Variants in COG3 observed in about 807,000 individuals in gnomAD.
COG3 encodes conserved oligomeric Golgi complex subunit 3.
COG3 carries 32 observed loss-of-function variants against 114.1 expected under a neutral mutation model. The ratio of observed to expected loss-of-function variants is 0.28; its 90% confidence interval spans 0.21 to 0.38. COG3 has a LOEUF of 0.38. COG3 is among the 10% of genes least tolerant of loss of function. The pLI, the probability that COG3 is intolerant of heterozygous loss-of-function variation, is 1.00. For missense variants in COG3, 813 were observed against 973.2 expected, an observed-to-expected ratio of 0.84 and a Z score of 2.19; for synonymous variants, 352 against 365.7, an observed-to-expected ratio of 0.96 and a Z score of 0.43.
At chr13:45,533,390 C>A (rs1247506407) in intron 22 of COG3, among the ~76,000 whole-genome samples, 1 of 152,000 alleles carries the variant, frequency 6.6e-6, no homozygotes, top group Non-Finnish European at 1.5e-5. Context: ...ATATCCTTTA[C>A]CCCATTTTCA....
intron 13 of COG3, among the ~76,000 whole-genome samples, chr13:45,497,821 A>AACAACAACAACAACAAC (rs1449099330): frequency 1.8e-5 from 1 of 54,584 alleles, no homozygotes; most frequent in Non-Finnish European, 4.4e-5. Context: ...ACAACAACAA[A>AACAACAACAACAACAAC]GTATGACCAC....
At chr13:45,525,850 A>G (rs1872631449) in intron 20 of COG3, among the ~76,000 whole-genome samples, 1 of 151,734 alleles carries the variant, frequency 6.6e-6, no homozygotes, top group African/African-American at 2.4e-5. Flanking sequence ...TGTTTTAATT[A>G]TGGGTAAGCT....
rs1873507957 is a variant in COG3 at position 45,535,711 on chromosome 13, A to G, written c.*980A>G. The G allele has an allele frequency of 1.0e-6, 1 of 986,160 alleles. No individual in the cohort carries two copies. The highest frequency in any genetic ancestry group is 1.2e-6 in the Non-Finnish European group (1 of 830,088). 61.1% of individuals were successfully genotyped at this position (986,160 alleles called of 1,614,324 possible). ...GGATCTCTAGCCCAGCTACAGCAGA[A>G]TACATTTTACCAGCAAACCTAAGGA... On this transcript the variant is annotated 3_prime_UTR_variant, in exon 23 of 23. Coordinates refer to ENST00000349995, the MANE Select transcript of COG3 (RefSeq NM_031431.4).
At chr13:45,471,801 C>T (rs1295126030) in intron 1 of COG3, among the ~76,000 whole-genome samples, 5 of 151,624 alleles carry the variant, frequency 3.3e-5, no homozygotes, top group East Asian at 3.9e-4. Context: ...GGCGCGATCT[C>T]GGCTCACTGC....
intron 16 of COG3, among the ~76,000 whole-genome samples, chr13:45,513,356 ATATACATATAAAT>A (rs1215578952): frequency 2.2e-5 from 3 of 134,826 alleles, no homozygotes; most frequent in African/African-American, 8.8e-5. Flanking sequence ...TATATATAAT[ATATACATATAAAT>A]TATACATATA....
chr13:45,533,378 A>G (rs1873339125), intron 22 of COG3, among the ~76,000 whole-genome samples: 1 of 152,146 alleles, frequency 6.6e-6, no homozygotes, highest in South Asian at 2.1e-4. Context: ...AGGAGTGCCC[A>G]TATATCCTTT....
At chr13:45,487,460 G>A (rs1037125416) in intron 8 of COG3, among the ~76,000 whole-genome samples, 1 of 152,196 alleles carries the variant, frequency 6.6e-6, no homozygotes, top group Non-Finnish European at 1.5e-5. Flanking sequence ...GAGACAACCT[G>A]TAGAATGATA....
intron 1 of COG3, among the ~76,000 whole-genome samples, chr13:45,474,302 C>T (rs1414976877): frequency 4.6e-5 from 7 of 151,928 alleles, no homozygotes; most frequent in Middle Eastern, 3.4e-3. Flanking sequence ...GGACTACAGG[C>T]GCCTGCCACC....
rs537565117 is a variant in COG3, at chr13:45,508,735, T to C, written c.1595-957T>C. Among the ~76,000 whole-genome samples, 75 of 152,262 alleles carry C rather than the reference T, an allele frequency of 4.9e-4. 2 individuals carry two copies. The highest frequency in any genetic ancestry group is 1.8e-3 in the African/African-American group (73 of 41,552). On this transcript the variant is annotated intron_variant, in intron 14 of 22. Coordinates refer to ENST00000349995, the MANE Select transcript of COG3 (RefSeq NM_031431.4). ...GAAATTTGGTCCCTCGACCCAGAAGTGATTGTACTTCCCTTACAGAGGTGT... is the reference window on the plus strand; with the variant it reads ...GAAATTTGGTCCCTCGACCCAGAAGCGATTGTACTTCCCTTACAGAGGTGT...
chr13:45,525,078 T>G (rs768408836), intron 20 of COG3, 27 bp downstream of exon 20: 1 of 1,595,134 alleles, frequency 6.3e-7, no homozygotes, highest in East Asian at 2.2e-5. Flanking sequence ...ATTTTGGATT[T>G]CTTTTTTAGG....
intron 1 of COG3, among the ~76,000 whole-genome samples, chr13:45,470,334 C>T (rs1351342836): frequency 6.6e-6 from 1 of 152,188 alleles, no homozygotes; most frequent in Non-Finnish European, 1.5e-5. Context: ...TTTTCACTGA[C>T]TCCCTTGAGT....
intron 14 of COG3, among the ~76,000 whole-genome samples, chr13:45,509,140 A>G (rs1215419930): frequency 1.3e-5 from 2 of 151,852 alleles, no homozygotes; most frequent in African/African-American, 2.4e-5. Flanking sequence ...CCCAGGTTCA[A>G]GCGATTTTCC....
At chr13:45,472,472 A>G (rs889278656) in intron 1 of COG3, among the ~76,000 whole-genome samples, 3 of 152,138 alleles carry the variant, frequency 2.0e-5, no homozygotes, top group Non-Finnish European at 2.9e-5. Flanking sequence ...GTAATTTGAT[A>G]TCATCATATA....
rs779410846 is a variant in COG3, at chr13:45,496,240, T to A, written c.1416T>A (p.Ile472=). The change falls in exon 13 of 23, where the codon ATT becomes ATA. Residue 472 remains isoleucine, a synonymous_variant. Coordinates refer to ENST00000349995, the MANE Select transcript of COG3 (RefSeq NM_031431.4). ...ERLVYRTHIY[I]QTDITGYKPA... is the part of the protein sequence containing the mutation. ...TCGTCTACCGAACCCACATCTATAT[T>A]CAGACGGACATCACGGGCTATAAAC... 76 of 1,612,786 alleles carry A rather than the reference T, an allele frequency of 4.7e-5. No homozygotes were observed. Among genetic ancestry groups the A allele is most frequent in the Non-Finnish European group, 1.7e-6 (2 of 1,179,342 alleles).
intron 2 of COG3, among the ~76,000 whole-genome samples, chr13:45,477,548 C>T (rs957351061): frequency 1.3e-5 from 2 of 152,136 alleles, no homozygotes; most frequent in Non-Finnish European, 2.9e-5. Context: ...AAGGTCAACT[C>T]CCCGCATCCC....
Position 45,481,258 on chromosome 13 carries a change from T to C in COG3, c.578T>C (p.Ile193Thr). 1 of 1,598,908 alleles carries C rather than the reference T, an allele frequency of 6.3e-7. No homozygotes were observed. Residue 193 changes from isoleucine (I) to threonine (T), a missense_variant, in exon 5 of 23, where the codon ATT (isoleucine) becomes ACT (threonine). Coordinates refer to ENST00000349995, the MANE Select transcript of COG3 (RefSeq NM_031431.4). Reference sequence around the variant, plus strand: ...GAACTTGTTGATCTGGCTGAAAACATTCAACAAAAGCTTTCCTATTTTAAC... The same window carrying C: ...GAACTTGTTGATCTGGCTGAAAACACTCAACAAAAGCTTTCCTATTTTAAC... ...QSELVDLAENIQQKLSYFNEL... is the reference protein window; with the variant it reads ...QSELVDLAENTQQKLSYFNEL...
chr13:45,506,088 C>T (rs557802505), intron 14 of COG3, among the ~76,000 whole-genome samples: 2 of 152,036 alleles, frequency 1.3e-5, no homozygotes, highest in African/African-American at 2.4e-5. Flanking sequence ...TAAAATGTGA[C>T]GTTTTACTGT....
At chr13:45,507,409 G>A (rs1231400732) in intron 14 of COG3, among the ~76,000 whole-genome samples, 1 of 152,000 alleles carries the variant, frequency 6.6e-6, no homozygotes, top group Non-Finnish European at 1.5e-5. Context: ...TGGTGAGAGA[G>A]AGAGAAAAAA....
At chr13:45,530,054 T>C (rs748196295) in intron 21 of COG3, 136 bp downstream of exon 21, 2 of 956,882 alleles carry the variant, frequency 2.1e-6, no homozygotes, top group African/African-American at 3.4e-5. Flanking sequence ...ATCACTATGA[T>C]TCATGAAAGG....
Sources: allele counts gnomAD v4.1 joint callset (sites outside exome capture counted in the v4.1 genomes callset), GRCh38; gene constraint gnomAD v4.1.1; transcripts MANE v1.5; gene names NCBI Gene and HGNC (gene_info 2026-07-23, HGNC 2026-07-21).